The following SLC38A9 variants were observed in gnomAD, a reference collection of about 807,000 sequenced individuals.
SLC38A9 encodes solute carrier family 38 member 9.
A neutral mutation model predicts 62.3 loss-of-function variants in SLC38A9; 48 were observed. The ratio of observed to expected loss-of-function variants is 0.77; its 90% CI spans 0.61 to 0.98. The LOEUF is 0.98. SLC38A9 is among the 50% of genes least tolerant of loss of function. The probability of loss-of-function intolerance (pLI) is 0.00; values close to 1 mark genes in which losing one functional copy is unlikely to be tolerated. For synonymous variants in SLC38A9, 204 were observed against 227.7 expected, an observed-to-expected ratio of 0.90 and a Z score of 0.94; for missense variants, 541 against 679.8, an observed-to-expected ratio of 0.80 and a Z score of 2.27.
chr5:55,628,298 T>A (rs1244358350), intron 14 of SLC38A9, among the ~76,000 whole-genome samples: 1 of 152,320 alleles, frequency 6.6e-6, no homozygotes, highest in African/African-American at 2.4e-5. Context: ...GAAAATGCTA[T>A]GAATATCAAG....
intron 10 of SLC38A9, 83 bp downstream of exon 10, chr5:55,652,446 A>G (rs1747689151): frequency 2.8e-6 from 2 of 705,830 alleles, no homozygotes; most frequent in East Asian, 5.9e-5. Context: ...TTGGAAGGTA[A>G]CTCCCCAATC....
At chr5:55,658,199 T>C (rs990624082) in intron 8 of SLC38A9, among the ~76,000 whole-genome samples, 3 of 152,142 alleles carry the variant, frequency 2.0e-5, no homozygotes, top group Non-Finnish European at 4.4e-5. Flanking sequence ...AGAATCTTGC[T>C]GTCACCCAGG....
intron 12 of SLC38A9, among the ~76,000 whole-genome samples, chr5:55,638,721 C>T (rs1483721865): frequency 6.6e-6 from 1 of 152,174 alleles, no homozygotes; most frequent in African/African-American, 2.4e-5. Flanking sequence ...TACATAACTT[C>T]TCCTGGTATA....
At chr5:55,689,226 T>G (rs373508591) in intron 3 of SLC38A9, among the ~76,000 whole-genome samples, 1 of 152,192 alleles carries the variant, frequency 6.6e-6, no homozygotes, top group South Asian at 2.1e-4. Context: ...ATTCCCAATA[T>G]GATTTTACAG....
At position 55,634,047 on chromosome 5, in the gene SLC38A9, A is replaced by C. The variant is rs1488310385; in HGVS notation, c.1282-145T>G. On this transcript the variant is annotated intron_variant, in intron 13 of 15. Transcript: ENST00000396865. ...TAGTGCCCATCCACAACTACTTGTT[A>C]AGTATTTTTTCAATGAGGTAAGTAT... 3 of 528,506 alleles carry C rather than the reference A, an allele frequency of 5.7e-6. No individual in the cohort carries two copies. The East Asian group carries it at 9.6e-5, about 17-fold the overall frequency. The allele number at this position is 528,506 out of a possible 1,614,324, so 32.7% of individuals were successfully genotyped here. A position where few individuals can be genotyped will look rare whatever the true frequency, so the allele number is the denominator to read the frequency against.
Position 55,692,454 on chromosome 5 carries a change from C to T in SLC38A9, c.113+5392G>A, listed in dbSNP as rs188295400. On this transcript the variant is annotated intron_variant, in intron 3 of 15. Coordinates refer to ENST00000396865, the MANE Select transcript of SLC38A9 (RefSeq NM_173514.4). ...TAATGTGAAGTAATCCATATTTTAA[C>T]AGAAATAACAATGTTTGAAGGTACT... The T allele has an allele frequency of 4.6e-3, 877 of 190,262 alleles. 10 individuals carry two copies. Among genetic ancestry groups the T allele is most frequent in the African/African-American group, 0.02 (852 of 42,256 alleles). 11.8% of individuals were successfully genotyped at this position (190,262 alleles called of 1,614,324 possible).
chr5:55,679,275 GAAGA>G (rs1274080283), intron 3 of SLC38A9, among the ~76,000 whole-genome samples: 1 of 151,878 alleles, frequency 6.6e-6, no homozygotes, highest in African/African-American at 2.4e-5. Flanking sequence ...AAAAGCTTTT[GAAGA>G]AAGTAAATGT....
At chr5:55,704,435 C>A (rs1343638024) in intron 2 of SLC38A9, 8 of 152,112 alleles carry the variant, frequency 5.3e-5, no homozygotes, top group African/African-American at 1.9e-4. Flanking sequence ...TCAGGAAACT[C>A]TGAAACACAT....
chr5:55,678,632 A>G (rs115344586), intron 3 of SLC38A9, among the ~76,000 whole-genome samples: 1,534 of 149,754 alleles, frequency 0.01, 26 homozygotes, highest in African/African-American at 0.036. Flanking sequence ...TTGTTGGATA[A>G]GACTGAAATG....
At chr5:55,659,979 G>A (rs1427255538) in intron 8 of SLC38A9, among the ~76,000 whole-genome samples, 2 of 150,324 alleles carry the variant, frequency 1.3e-5, no homozygotes, top group African/African-American at 2.4e-5. Flanking sequence ...TGTTCGCCAA[G>A]ATGGTCTCGG....
chr5:55,656,801 T>G (rs1748516836), intron 8 of SLC38A9, 27 bp from the exon 9 acceptor site: 1 of 1,199,488 alleles, frequency 8.3e-7, no homozygotes. Flanking sequence ...AAATATAGTT[T>G]AACACTGAAT....
chr5:55,708,176 G>T (rs1176170032), intron 2 of SLC38A9, among the ~76,000 whole-genome samples: 3 of 152,092 alleles, frequency 2.0e-5, no homozygotes, highest in African/African-American at 7.2e-5. Context: ...TAAAATGTTG[G>T]TGACTGAGCC....
At chr5:55,638,022 T>C (rs920726178) in intron 12 of SLC38A9, among the ~76,000 whole-genome samples, 9 of 152,126 alleles carry the variant, frequency 5.9e-5, no homozygotes, top group African/African-American at 1.9e-4. Flanking sequence ...GTAACAACTA[T>C]ACAACAGAAC....
At chr5:55,652,997 C>T (rs1308420128) in intron 9 of SLC38A9, among the ~76,000 whole-genome samples, 2 of 152,128 alleles carry the variant, frequency 1.3e-5, no homozygotes, top group African/African-American at 2.4e-5. Flanking sequence ...GACAGAGTCT[C>T]GCTCTGTCGC....
intron 3 of SLC38A9, among the ~76,000 whole-genome samples, chr5:55,684,462 T>C (rs2408207): frequency 0.55 from 82,758 of 151,780 alleles, 23,887 homozygotes; most frequent in South Asian, 0.65. Context: ...TGAGATGAGT[T>C]AAAGTTGGGC....
intron 10 of SLC38A9, among the ~76,000 whole-genome samples, chr5:55,650,969 TTAG>T (rs1342321387): frequency 6.6e-6 from 1 of 151,960 alleles, no homozygotes; most frequent in East Asian, 1.9e-4. Context: ...TTTTGTATTT[TTAG>T]TAGAGACAGG....
Position 55,626,221 on chromosome 5 carries a change from T to C in SLC38A9, c.*273A>G, listed in dbSNP as rs1742393829. On this transcript the variant is annotated 3_prime_UTR_variant, in exon 16 of 16. Coordinates refer to ENST00000396865, the MANE Select transcript of SLC38A9 (RefSeq NM_173514.4). Reference sequence around the variant, plus strand: ...TAAAAGCAAAACCCAGCATGATTTCTTCCTAGGGCATACATTTCTATTCAG... The same window carrying C: ...TAAAAGCAAAACCCAGCATGATTTCCTCCTAGGGCATACATTTCTATTCAG... 1 of 253,654 alleles carries C rather than the reference T, an allele frequency of 3.9e-6. No homozygotes were observed. The highest frequency in any genetic ancestry group is 7.5e-6 in the Non-Finnish European group (1 of 133,164). The allele number at this position is 253,654 out of a possible 1,614,324, so 15.7% of individuals were successfully genotyped here.
intron 12 of SLC38A9, among the ~76,000 whole-genome samples, chr5:55,637,508 A>G (rs1260128008): frequency 1.3e-5 from 2 of 152,220 alleles, no homozygotes; most frequent in African/African-American, 2.4e-5. Context: ...AAAATAGCCA[A>G]GGTTAATAGT....
chr5:55,648,115 T>C (rs1203952116), intron 11 of SLC38A9, among the ~76,000 whole-genome samples: 1 of 152,144 alleles, frequency 6.6e-6, no homozygotes, highest in Non-Finnish European at 1.5e-5. Context: ...GGTGCGTGCC[T>C]GTAATCCCAG....
Sources: allele counts gnomAD v4.1 joint callset (sites outside exome capture counted in the v4.1 genomes callset), GRCh38; gene constraint gnomAD v4.1.1; transcripts MANE v1.5; gene names NCBI Gene and HGNC (gene_info 2026-07-23, HGNC 2026-07-21).